The following SLC24A3 variants were observed in gnomAD, a reference collection of about 807,000 sequenced individuals.
SLC24A3 encodes solute carrier family 24 member 3, also known as sodium/potassium/calcium exchanger 3.
SLC24A3 carries 28 observed loss-of-function variants against 75.8 expected under a neutral mutation model. The ratio of observed to expected loss-of-function variants is 0.37; its 90% CI spans 0.27 to 0.51. The LOEUF is 0.51. Among genes scored for constraint, SLC24A3 ranks in the 20% least tolerant of loss-of-function variants. The pLI, the probability that SLC24A3 is intolerant of heterozygous loss-of-function variation, is 0.94. For missense variants in SLC24A3, 663 were observed against 847.8 expected (o/e 0.78, Z 2.71); for synonymous variants, 372 against 334.1 (o/e 1.11, Z -1.24).
At chr20:19,325,019 CT>C (rs11340561) in intron 2 of SLC24A3, among the ~76,000 whole-genome samples, 10,703 of 128,986 alleles carry the variant, frequency 0.083, 1,192 homozygotes, top group African/African-American at 0.27. Context: ...ATGGTAGAGC[CT>C]TTTTTTTTTT....
chr20:19,684,101 A>C, intron 10 of SLC24A3, 75 bp from the exon 11 acceptor site: 1 of 1,505,704 alleles, frequency 6.6e-7, no homozygotes, highest in Non-Finnish European at 9.1e-7. Context: ...AAAGAAGGGA[A>C]GGAAGAATAA....
intron 2 of SLC24A3, among the ~76,000 whole-genome samples, chr20:19,459,729 T>C (rs1326302051): frequency 1.3e-5 from 2 of 152,154 alleles, no homozygotes; most frequent in Non-Finnish European, 2.9e-5. Flanking sequence ...GAATATAGGT[T>C]TGTGATCTCC....
At chr20:19,494,566 ATGT>A (rs1462181037) in intron 2 of SLC24A3, among the ~76,000 whole-genome samples, 7 of 152,086 alleles carry the variant, frequency 4.6e-5, no homozygotes, top group African/African-American at 7.2e-5. Flanking sequence ...GATTGCAAAG[ATGT>A]TTGGGGTGGG....
rs10591708 is a variant in SLC24A3 at position 19,556,576 on chromosome 20, G to GA, written c.349-23406dup. ...ATTGTCACTGTAGTGGCCAGTGTGT[G>GA]AAAAAAAAAAAAAAAAAAGAAAAGG... On this transcript the variant is annotated intron_variant, in intron 3 of 16. Transcript: ENST00000328041. 1.9e-3 allele frequency among the ~76,000 whole-genome samples: 251 copies of GA among 131,000 alleles called. 1 individual carries two copies. The highest frequency in any genetic ancestry group is 4.6e-3 in the African/African-American group (161 of 35,302). 85.9% of individuals were successfully genotyped at this position (131,000 alleles called of 152,430 possible).
At chr20:19,508,593 G>C (rs1218564413) in intron 2 of SLC24A3, among the ~76,000 whole-genome samples, 1 of 152,264 alleles carries the variant, frequency 6.6e-6, no homozygotes, top group Admixed American at 6.5e-5. Context: ...AGCCAGGAGG[G>C]AGAAGCAAGG....
intron 6 of SLC24A3, among the ~76,000 whole-genome samples, chr20:19,628,202 C>CA (rs776701707): frequency 0.084 from 4,295 of 51,218 alleles, 339 homozygotes; most frequent in East Asian, 0.35. Flanking sequence ...GACTCCATCT[C>CA]AAAAAAAAAA....
At chr20:19,518,484 T>G (rs954056572) in intron 3 of SLC24A3, among the ~76,000 whole-genome samples, 2 of 152,202 alleles carry the variant, frequency 1.3e-5, no homozygotes, top group African/African-American at 4.8e-5. Context: ...GGTGCTGTTC[T>G]TGAAGAGTGC....
At position 19,322,346 on chromosome 20, in the gene SLC24A3, CTTCT is replaced by C. The variant is rs1464009654; in HGVS notation, c.271+41263_271+41266del. Among the ~76,000 whole-genome samples, 87 of 96,742 alleles carry C rather than the reference CTTCT, an allele frequency of 9.0e-4. 1 individual carries two copies. Among genetic ancestry groups the C allele is most frequent in the African/African-American group, 5.8e-3 (82 of 14,044 alleles). The allele number at this position is 96,742 out of a possible 152,430, so 63.5% of individuals were successfully genotyped here. ...ATCATTATGGATTCATGGATTGAGC[CTTCT>C]TTCCTTCCTTCCTTCCCTTCCTTCC... On this transcript the variant is annotated intron_variant, in intron 2 of 16. Coordinates refer to ENST00000328041, the MANE Select transcript of SLC24A3 (RefSeq NM_020689.4).
intron 2 of SLC24A3, among the ~76,000 whole-genome samples, chr20:19,476,236 T>C (rs1017804470): frequency 1.3e-5 from 2 of 152,196 alleles, no homozygotes; most frequent in East Asian, 1.9e-4. Flanking sequence ...ATCTGAGATG[T>C]TGGTAGTTAA....
Position 19,290,451 on chromosome 20 carries a change from A to G in SLC24A3, c.271+9364A>G, listed in dbSNP as rs974335826. 2.6e-5 allele frequency among the ~76,000 whole-genome samples: 4 copies of G among 152,206 alleles called. 1 individual carries two copies. The highest frequency in any genetic ancestry group is 7.2e-5 in the African/African-American group (3 of 41,524). The stretch of plus-strand genomic sequence containing the variant: ...GGTCATGAGATCAGTCCCCTCAGGA[A>G]TAGGATTTAGTGTTCTTATAAAAGA... On this transcript the variant is annotated intron_variant, in intron 2 of 16. Coordinates refer to ENST00000328041, the MANE Select transcript of SLC24A3 (RefSeq NM_020689.4).
chr20:19,494,647 A>C (rs1988256273), intron 2 of SLC24A3, among the ~76,000 whole-genome samples: 1 of 152,124 alleles, frequency 6.6e-6, no homozygotes, highest in Admixed American at 6.5e-5. Context: ...GTCAGTTTCC[A>C]GGGTGCACAG....
intron 2 of SLC24A3, among the ~76,000 whole-genome samples, chr20:19,321,489 G>C (rs928480898): frequency 6.6e-6 from 1 of 152,168 alleles, no homozygotes; most frequent in Non-Finnish European, 1.5e-5. Flanking sequence ...AGGAAACTTA[G>C]AGAAGCTCAT....
intron 1 of SLC24A3, among the ~76,000 whole-genome samples, chr20:19,247,700 TG>T (rs1407372979): frequency 1.3e-5 from 2 of 152,232 alleles, no homozygotes; most frequent in African/African-American, 4.8e-5. Context: ...CCTTATTAAT[TG>T]TATATTGAGA....
Position 19,680,611 on chromosome 20 carries a change from C to T in SLC24A3, c.768-1247C>T, listed in dbSNP as rs77952642. Reference sequence around the variant, plus strand: ...CGTGTCTTATGAACTACAAATGACACCCGTCACTTTGACTAGTTTTCTGTT... The same window carrying T: ...CGTGTCTTATGAACTACAAATGACATCCGTCACTTTGACTAGTTTTCTGTT... On this transcript the variant is annotated intron_variant, in intron 9 of 16. Coordinates refer to ENST00000328041, the MANE Select transcript of SLC24A3 (RefSeq NM_020689.4). Among the ~76,000 whole-genome samples, 7 of 152,330 alleles carry T rather than the reference C, an allele frequency of 4.6e-5. No individual in the cohort carries two copies. In the East Asian group the frequency reaches 1.3e-3, roughly 29 times the overall value.
At chr20:19,386,854 A>C (rs949537816) in intron 2 of SLC24A3, among the ~76,000 whole-genome samples, 1 of 152,054 alleles carries the variant, frequency 6.6e-6, no homozygotes, top group Non-Finnish European at 1.5e-5. Context: ...TGCTCATCAG[A>C]TATATTGGCC....
At chr20:19,630,640 G>A (rs1390184505) in intron 6 of SLC24A3, among the ~76,000 whole-genome samples, 1 of 152,164 alleles carries the variant, frequency 6.6e-6, no homozygotes, top group Non-Finnish European at 1.5e-5. Flanking sequence ...CAGGATTGCA[G>A]TCATTCTTTT....
At chr20:19,338,837 A>G (rs960482499) in intron 2 of SLC24A3, among the ~76,000 whole-genome samples, 2 of 152,184 alleles carry the variant, frequency 1.3e-5, no homozygotes, top group Non-Finnish European at 2.9e-5. Flanking sequence ...CCCTCACTCA[A>G]TGATAGAGGT....
At chr20:19,252,643 C>CGG (rs35974779) in intron 1 of SLC24A3, among the ~76,000 whole-genome samples, 15,743 of 132,732 alleles carry the variant, frequency 0.12, 1,204 homozygotes, top group African/African-American at 0.14. Flanking sequence ...ATTGGAATGG[C>CGG]GGGGGGGGGT....
chr20:19,402,787 T>C (rs1986575479), intron 2 of SLC24A3, among the ~76,000 whole-genome samples: 1 of 152,166 alleles, frequency 6.6e-6, no homozygotes, highest in Non-Finnish European at 1.5e-5. Flanking sequence ...GGTGATGTAG[T>C]TCAAGATGAC....
Sources: allele counts gnomAD v4.1 joint callset (sites outside exome capture counted in the v4.1 genomes callset), GRCh38; gene constraint gnomAD v4.1.1; transcripts MANE v1.5; gene names NCBI Gene and HGNC (gene_info 2026-07-23, HGNC 2026-07-21).